FRY: variants seen among roughly 807,000 people sequenced by gnomAD.
The protein encoded by FRY is FRY microtubule binding protein.
A neutral mutation model predicts 348.4 loss-of-function variants in FRY; 128 were observed. That is an observed-to-expected ratio of 0.37 (90% CI 0.32 to 0.43). The LOEUF is 0.43. Among genes scored for constraint, FRY ranks in the 20% least tolerant of loss-of-function variants. FRY has a pLI of 1.00. For missense variants in FRY, 2,736 were observed against 3,695.2 expected (o/e 0.74, Z 6.73); for synonymous variants, 1,370 against 1,374.7 (o/e 1.00, Z 0.08).
chr13:32,039,505 C>A (rs187291428), intron 1 of FRY, among the ~76,000 whole-genome samples: 4 of 151,626 alleles, frequency 2.6e-5, no homozygotes, highest in Admixed American at 6.6e-5. Context: ...CCCCCCCATA[C>A]GTGTGTGAGA....
chr13:32,254,056 T>C (rs1260111927), intron 50 of FRY, 168 bp from the exon 51 acceptor site: 2 of 683,816 alleles, frequency 2.9e-6, no homozygotes, highest in African/African-American at 1.8e-5. Flanking sequence ...GAGTTTAATC[T>C]GAAGGCACCT....
Position 32,295,492 on chromosome 13 carries a change from C to T in FRY, c.*32C>T. ...CCTCCTGTCCCCACTGGGTTCCAAACTGGCAGTGCTGCCATGCTGGGGCAA... is the reference window on the plus strand; with the variant it reads ...CCTCCTGTCCCCACTGGGTTCCAAATTGGCAGTGCTGCCATGCTGGGGCAA... On this transcript the variant is annotated 3_prime_UTR_variant, in exon 61 of 61. Transcript: ENST00000542859. 1 of 1,603,190 alleles carries T rather than the reference C, an allele frequency of 6.2e-7. No homozygotes were observed. Among genetic ancestry groups the T allele is most frequent in the South Asian group, 1.1e-5 (1 of 91,008 alleles).
rs78525416 is a variant in FRY at position 32,180,001 on chromosome 13, T to C, written c.2996+202T>C. ...TGCCTCTCCTGTCACTTTTAGTCATTGCAACTTTGATTTTACCTCTCAGAT... is the reference window on the plus strand; with the variant it reads ...TGCCTCTCCTGTCACTTTTAGTCATCGCAACTTTGATTTTACCTCTCAGAT... On this transcript the variant is annotated intron_variant, in intron 23 of 60. Coordinates refer to ENST00000542859, the MANE Select transcript of FRY (RefSeq NM_023037.3). 8.6e-3 allele frequency among the ~76,000 whole-genome samples: 1,316 copies of C among 152,364 alleles called. 22 individuals are homozygous for C. The highest frequency in any genetic ancestry group is 0.03 in the African/African-American group (1,268 of 41,592).
chr13:32,229,485 A>G (rs1885791676), intron 40 of FRY, among the ~76,000 whole-genome samples: 1 of 152,252 alleles, frequency 6.6e-6, no homozygotes, highest in African/African-American at 2.4e-5. Flanking sequence ...TATTTTGTGC[A>G]GCTCTCAACT....
intron 4 of FRY, among the ~76,000 whole-genome samples, chr13:32,120,657 C>G (rs1025106018): frequency 1.3e-5 from 2 of 152,000 alleles, no homozygotes; most frequent in African/African-American, 4.8e-5. Context: ...TCCATTGTAT[C>G]ATTCTTTTTT....
At chr13:32,157,481 T>C in intron 16 of FRY, 76 bp downstream of exon 16, 1 of 1,414,746 alleles carries the variant, frequency 7.1e-7, no homozygotes, top group Non-Finnish European at 9.9e-7. Flanking sequence ...TCATTTATTC[T>C]GTATTTTGTT....
At chr13:32,267,804 C>T (rs1244006439) in intron 55 of FRY, among the ~76,000 whole-genome samples, 2 of 152,124 alleles carry the variant, frequency 1.3e-5, no homozygotes, top group African/African-American at 4.8e-5. Context: ...TGTTTACTCC[C>T]TTGAGTTGCT....
intron 50 of FRY, 67 bp downstream of exon 50, chr13:32,252,019 C>A: frequency 9.2e-7 from 1 of 1,091,982 alleles, no homozygotes; most frequent in Non-Finnish European, 1.4e-6. Context: ...CTGTTTTTGC[C>A]TTTGGTCATA....
chr13:32,091,631 G>T (rs892898730), intron 2 of FRY, among the ~76,000 whole-genome samples: 1 of 152,212 alleles, frequency 6.6e-6, no homozygotes, highest in African/African-American at 2.4e-5. Flanking sequence ...ACTGTGAAGG[G>T]TGCCACCACA....
intron 17 of FRY, among the ~76,000 whole-genome samples, chr13:32,164,305 C>T (rs996699996): frequency 5.9e-5 from 9 of 152,332 alleles, no homozygotes; most frequent in African/African-American, 2.2e-4. Flanking sequence ...TGACACTTCA[C>T]AGTCTCATCC....
chr13:32,147,411 A>C, intron 12 of FRY, 26 bp downstream of exon 12: 1 of 1,284,868 alleles, frequency 7.8e-7, no homozygotes, highest in Admixed American at 1.7e-5. Flanking sequence ...TGTCAATGGT[A>C]ACCATATCAC....
intron 59 of FRY, among the ~76,000 whole-genome samples, chr13:32,292,570 G>C (rs1889426542): frequency 6.6e-6 from 1 of 151,882 alleles, no homozygotes; most frequent in East Asian, 2.0e-4. Context: ...AAGGTGGGCA[G>C]ATCACAAGGT....
chr13:32,181,410 CA>C (rs1248131195), intron 23 of FRY, among the ~76,000 whole-genome samples: 2 of 151,244 alleles, frequency 1.3e-5, no homozygotes, highest in African/African-American at 4.9e-5. Context: ...GCCTGGGCAA[CA>C]TGGTGAAATC....
At chr13:32,238,061 T>C (rs1566157942) in intron 44 of FRY, 75 bp downstream of exon 44, 1 of 1,497,184 alleles carries the variant, frequency 6.7e-7, no homozygotes, top group South Asian at 1.1e-5. Flanking sequence ...TAAGATAATA[T>C]GAACTTACTG....
intron 41 of FRY, 54 bp downstream of exon 41, chr13:32,231,354 ACT>A (rs1188528680): frequency 6.4e-7 from 1 of 1,574,334 alleles, no homozygotes; most frequent in East Asian, 2.2e-5. Context: ...TGTAATGGAC[ACT>A]GTCTCTATAT....
At chr13:32,065,611 A>C (rs540604002) in intron 1 of FRY, among the ~76,000 whole-genome samples, 2 of 144,988 alleles carry the variant, frequency 1.4e-5, no homozygotes, top group African/African-American at 2.6e-5. Flanking sequence ...CGACCAAAAA[A>C]ATTTTTTTAG....
At chr13:32,281,194 G>A (rs540028404) in intron 58 of FRY, among the ~76,000 whole-genome samples, 2 of 152,328 alleles carry the variant, frequency 1.3e-5, no homozygotes, top group Admixed American at 1.3e-4. Flanking sequence ...GAGTACAAAA[G>A]TAGAAAGAAG....
intron 3 of FRY, among the ~76,000 whole-genome samples, chr13:32,116,952 G>A (rs1878338453): frequency 6.6e-6 from 1 of 152,140 alleles, no homozygotes; most frequent in South Asian, 2.1e-4. Flanking sequence ...AATTATTAAT[G>A]TAACTGTATT....
At chr13:32,042,676 C>G (rs1364085950) in intron 1 of FRY, among the ~76,000 whole-genome samples, 1 of 152,096 alleles carries the variant, frequency 6.6e-6, no homozygotes, top group Non-Finnish European at 1.5e-5. Flanking sequence ...GGAAGGAGGC[C>G]CAGGTTAGGG....
Sources: allele counts gnomAD v4.1 joint callset (sites outside exome capture counted in the v4.1 genomes callset), GRCh38; gene constraint gnomAD v4.1.1; transcripts MANE v1.5; gene names NCBI Gene and HGNC (gene_info 2026-07-23, HGNC 2026-07-21).